UBE2G1: variants seen among roughly 807,000 people sequenced by gnomAD.
UBE2G1 encodes the protein ubiquitin-conjugating enzyme E2 G1.
In UBE2G1, 5 loss-of-function variants were observed where a neutral mutation model predicts 22.7. The observed-to-expected ratio is 0.22, with a 90% confidence interval of 0.12 to 0.46. The LOEUF (loss-of-function observed/expected upper bound fraction) is 0.46. Among genes scored for constraint, UBE2G1 ranks in the 20% least tolerant of loss-of-function variants. The pLI is 0.99. For missense variants in UBE2G1, 88 were observed against 203.9 expected (o/e 0.43, Z 3.46); for synonymous variants, 74 against 67.5 (o/e 1.10, Z -0.47).
chr17:4,284,459 G>C (rs1968934305), intron 4 of UBE2G1, among the ~76,000 whole-genome samples: 1 of 151,794 alleles, frequency 6.6e-6, no homozygotes, highest in African/African-American at 2.4e-5. Flanking sequence ...AATTTAGCCA[G>C]GCATGGTGGC....
intron 1 of UBE2G1, among the ~76,000 whole-genome samples, chr17:4,344,776 A>C (rs1282406772): frequency 6.6e-6 from 1 of 152,134 alleles, no homozygotes; most frequent in East Asian, 1.9e-4. Flanking sequence ...CAGGAGGATC[A>C]CTTGAGCCCA....
chr17:4,316,938 TAAAAAAA>T (rs33950725), intron 1 of UBE2G1, among the ~76,000 whole-genome samples: 23 of 134,314 alleles, frequency 1.7e-4, no homozygotes, highest in African/African-American at 6.6e-4. Flanking sequence ...GTCTCTTGAA[TAAAAAAA>T]AAAAAAAAAA....
At chr17:4,288,026 C>T (rs1033421824) in intron 4 of UBE2G1, among the ~76,000 whole-genome samples, 20 of 152,260 alleles carry the variant, frequency 1.3e-4, no homozygotes, top group East Asian at 7.7e-4. Flanking sequence ...CAGCCTTGTT[C>T]TTAGGGAACA....
chr17:4,309,827 A>G (rs1274949856), intron 1 of UBE2G1, among the ~76,000 whole-genome samples: 1 of 152,208 alleles, frequency 6.6e-6, no homozygotes, highest in Non-Finnish European at 1.5e-5. Context: ...AAGCTCTGAA[A>G]TTAGTATACA....
chr17:4,288,045 A>G (rs111999214), intron 4 of UBE2G1, among the ~76,000 whole-genome samples: 9 of 152,332 alleles, frequency 5.9e-5, no homozygotes, highest in Non-Finnish European at 1.0e-4. Context: ...CAGATCCTGA[A>G]ACATTTTGGG....
At chr17:4,347,088 G>C (rs1346111061) in intron 1 of UBE2G1, among the ~76,000 whole-genome samples, 1 of 152,100 alleles carries the variant, frequency 6.6e-6, no homozygotes, top group Non-Finnish European at 1.5e-5. Context: ...AGGAGGCGGA[G>C]GTTGCAGTGA....
chr17:4,340,954 A>G (rs1043024629), intron 1 of UBE2G1, among the ~76,000 whole-genome samples: 1 of 148,996 alleles, frequency 6.7e-6, no homozygotes, highest in South Asian at 2.1e-4. Context: ...CAAAATTACA[A>G]TGTTTCTGAT....
At chr17:4,359,975 G>C (rs937063806) in intron 1 of UBE2G1, among the ~76,000 whole-genome samples, 1 of 151,452 alleles carries the variant, frequency 6.6e-6, no homozygotes, top group Non-Finnish European at 1.5e-5. Flanking sequence ...CTTATTTCCT[G>C]AAACTACATT....
intron 1 of UBE2G1, among the ~76,000 whole-genome samples, chr17:4,337,661 AAAAAAGAAAAGAAAAAAT>A: frequency 6.6e-6 from 1 of 151,978 alleles, no homozygotes; most frequent in East Asian, 1.9e-4. Flanking sequence ...CTCAAAAAAA[AAAAAAGAAAAGAAAAAAT>A]AAAAAGAAGA....
At chr17:4,278,632 G>A (rs1447840814) in intron 5 of UBE2G1, among the ~76,000 whole-genome samples, 1 of 152,110 alleles carries the variant, frequency 6.6e-6, no homozygotes, top group Non-Finnish European at 1.5e-5. Context: ...TTGGTGTGAT[G>A]TATATTTAAT....
intron 1 of UBE2G1, among the ~76,000 whole-genome samples, chr17:4,363,749 A>G (rs538469280): frequency 1.2e-4 from 18 of 151,770 alleles, no homozygotes; most frequent in Admixed American, 3.9e-4. Flanking sequence ...TCAGGAGATC[A>G]AGACCATCCT....
At chr17:4,357,958 G>C (rs145619091) in intron 1 of UBE2G1, among the ~76,000 whole-genome samples, 2,308 of 151,030 alleles carry the variant, frequency 0.015, 35 homozygotes, top group Middle Eastern at 0.072. Context: ...ATTTTTAAAA[G>C]ATATATGTAG....
intron 1 of UBE2G1, among the ~76,000 whole-genome samples, chr17:4,310,084 C>A (rs1026255080): frequency 1.3e-5 from 2 of 152,184 alleles, no homozygotes; most frequent in African/African-American, 4.8e-5. Context: ...GGTCTAGATG[C>A]ATGAATATTT....
intron 1 of UBE2G1, among the ~76,000 whole-genome samples, chr17:4,342,214 C>T (rs1310689462): frequency 6.6e-6 from 1 of 152,056 alleles, no homozygotes; most frequent in Non-Finnish European, 1.5e-5. Flanking sequence ...ATTATCTCTC[C>T]TTGTCCTGCG....
At chr17:4,315,338 G>A (rs1213426526) in intron 1 of UBE2G1, among the ~76,000 whole-genome samples, 2 of 151,924 alleles carry the variant, frequency 1.3e-5, no homozygotes, top group African/African-American at 2.4e-5. Context: ...CAGTATTGTC[G>A]ATCATTATGT....
intron 1 of UBE2G1, among the ~76,000 whole-genome samples, chr17:4,330,882 C>T (rs1969567501): frequency 6.6e-6 from 1 of 151,440 alleles, no homozygotes; most frequent in Non-Finnish European, 1.5e-5. Flanking sequence ...GCATGATGAG[C>T]CACTGTGCCC....
intron 1 of UBE2G1, among the ~76,000 whole-genome samples, chr17:4,349,577 C>T (rs928029232): frequency 2.0e-5 from 3 of 152,040 alleles, no homozygotes; most frequent in African/African-American, 7.2e-5. Flanking sequence ...GGCGCTGTGG[C>T]TCACGCCTGT....
chr17:4,326,769 A>G (rs1969507365), intron 1 of UBE2G1, among the ~76,000 whole-genome samples: 1 of 152,254 alleles, frequency 6.6e-6, no homozygotes, highest in Non-Finnish European at 1.5e-5. Context: ...AAGGAATGAA[A>G]TTATGATACA....
At chr17:4,301,904 G>C (rs999115097) in intron 2 of UBE2G1, 1 of 492,424 alleles carries the variant, frequency 2.0e-6, no homozygotes, top group African/African-American at 2.0e-5. Context: ...GTGGGGTTCT[G>C]CTGGTCACAC....
Sources: gnomAD v4.1 joint callset for allele counts (sites outside exome capture counted in the v4.1 genomes callset) on GRCh38, gnomAD v4.1.1 for gene constraint, MANE v1.5 for transcripts, NCBI Gene and HGNC (gene_info 2026-07-23, HGNC 2026-07-21) for gene names.